IMPG1: variants seen among roughly 807,000 people sequenced by gnomAD.
IMPG1 encodes the protein interphotoreceptor matrix proteoglycan of 150 kDa.
IMPG1 carries 85 observed loss-of-function variants against 92.0 expected under a neutral mutation model. The observed-to-expected ratio is 0.92, with a 90% CI of 0.78 to 1.11. The LOEUF (loss-of-function observed/expected upper bound fraction) is 1.11, where lower values mean the gene tolerates loss of function less well. Ranked by LOEUF, IMPG1 falls within the 50% of genes least tolerant of loss-of-function variation. IMPG1 has a pLI of 0.00. For missense variants in IMPG1, 1,022 were observed against 956.0 expected (o/e 1.07, Z -0.91); for synonymous variants, 367 against 334.1 (o/e 1.10, Z -1.08).
chr6:76,064,562 G>T (rs1031865373), intron 1 of IMPG1, among the ~76,000 whole-genome samples: 1 of 151,840 alleles, frequency 6.6e-6, no homozygotes, highest in Non-Finnish European at 1.5e-5. Flanking sequence ...ACATTTCACC[G>T]GGAGCTTCCC....
chr6:76,044,200 C>T (rs146527398), intron 1 of IMPG1, among the ~76,000 whole-genome samples: 407 of 152,260 alleles, frequency 2.7e-3, no homozygotes, highest in Middle Eastern at 0.01. Context: ...GTACCCATTA[C>T]AGTTAGTAAA....
chr6:76,043,872 C>T (rs1203317177), intron 1 of IMPG1, among the ~76,000 whole-genome samples: 2 of 152,194 alleles, frequency 1.3e-5, no homozygotes, highest in Non-Finnish European at 2.9e-5. Context: ...CCATCAAATT[C>T]CCCTGATGAT....
chr6:75,988,808 G>A (rs978148502), intron 12 of IMPG1, among the ~76,000 whole-genome samples: 4 of 152,116 alleles, frequency 2.6e-5, no homozygotes, highest in Non-Finnish European at 2.9e-5. Flanking sequence ...CCAAGTTGCA[G>A]TTCCAGTTTC....
chr6:75,942,529 T>C (rs538483394), intron 14 of IMPG1, among the ~76,000 whole-genome samples: 1 of 152,304 alleles, frequency 6.6e-6, no homozygotes. Context: ...GCTGTGTAAA[T>C]TGGAATTTGA....
chr6:76,000,285 A>T (rs1782965742), intron 12 of IMPG1, among the ~76,000 whole-genome samples: 1 of 152,244 alleles, frequency 6.6e-6, no homozygotes, highest in Non-Finnish European at 1.5e-5. Flanking sequence ...TGAAACTTAT[A>T]ACACATAAAA....
intron 1 of IMPG1, among the ~76,000 whole-genome samples, chr6:76,065,928 C>T (rs958479995): frequency 3.9e-5 from 6 of 152,018 alleles, no homozygotes; most frequent in African/African-American, 1.4e-4. Flanking sequence ...TATTTTCAGA[C>T]TGCATAAAGA....
rs958782772 is a variant in IMPG1, at chr6:75,921,940, TA to T, written c.*148del. 5 of 558,504 alleles carry T rather than the reference TA, an allele frequency of 9.0e-6. No individual in the cohort carries two copies. In the Admixed American group the frequency reaches 1.8e-4, roughly 20 times the overall value. 34.6% of individuals were successfully genotyped at this position (558,504 alleles called of 1,614,324 possible). On this transcript the variant is annotated 3_prime_UTR_variant, in exon 17 of 17. Transcript: ENST00000369950. ...CTGGTTGCCAAGTACATGACTCTTC[TA>T]TATTTGAAATATGGTGTGTGCTGAT...
chr6:76,038,099 C>G (rs1783772432), intron 2 of IMPG1, among the ~76,000 whole-genome samples: 1 of 152,150 alleles, frequency 6.6e-6, no homozygotes, highest in African/African-American at 2.4e-5. Context: ...CCTGAGGATG[C>G]ATCATCAGTT....
chr6:75,944,366 G>A (rs2149455041), intron 14 of IMPG1, among the ~76,000 whole-genome samples: 1 of 152,278 alleles, frequency 6.6e-6, no homozygotes, highest in Non-Finnish European at 1.5e-5. Context: ...GCTGGATATT[G>A]GATTTACCCA....
chr6:76,029,664 T>C lies in IMPG1; in HGVS notation c.498-4406A>G, dbSNP rs549447724. ...GGATCAATATTCTGGTTCTGAGCAATTATCCTGCAAATCCTGCCAGGTGAT... is the reference window on the plus strand; with the variant it reads ...GGATCAATATTCTGGTTCTGAGCAACTATCCTGCAAATCCTGCCAGGTGAT... On this transcript the variant is annotated intron_variant, in intron 4 of 16. Transcript: ENST00000369950. 2.0e-5 allele frequency among the ~76,000 whole-genome samples: 3 copies of C among 152,252 alleles called. No individual in the cohort carries two copies. In the South Asian group the frequency reaches 6.2e-4, roughly 32 times the overall value.
At chr6:75,966,377 C>T (rs1782307805) in intron 12 of IMPG1, among the ~76,000 whole-genome samples, 1 of 152,048 alleles carries the variant, frequency 6.6e-6, no homozygotes, top group Non-Finnish European at 1.5e-5. Context: ...ATGATTAGGC[C>T]ATGAGGACTC....
intron 12 of IMPG1, among the ~76,000 whole-genome samples, chr6:75,982,597 GTGTGTGT>G (rs1304418903): frequency 1.6e-4 from 24 of 148,524 alleles, no homozygotes; most frequent in South Asian, 2.1e-4. Flanking sequence ...ATATATATAT[GTGTGTGT>G]ATATATATAT....
intron 7 of IMPG1, among the ~76,000 whole-genome samples, chr6:76,014,244 C>T (rs1783243910): frequency 6.6e-6 from 1 of 152,176 alleles, no homozygotes; most frequent in African/African-American, 2.4e-5. Flanking sequence ...ATTGCCAGCT[C>T]CTGAGAGCCC....
intron 16 of IMPG1, 31 bp downstream of exon 16, chr6:75,923,603 A>G (rs1781467895): frequency 3.6e-6 from 4 of 1,118,990 alleles, no homozygotes; most frequent in Middle Eastern, 2.0e-4. Context: ...AAGTTTAGTA[A>G]TTGCAACCAA....
chr6:75,963,099 C>T (rs1363807968), intron 12 of IMPG1, among the ~76,000 whole-genome samples: 2 of 150,516 alleles, frequency 1.3e-5, no homozygotes, highest in Admixed American at 1.3e-4. Flanking sequence ...AAAGGAAACA[C>T]AGCAGATTGA....
chr6:75,959,936 C>G (rs1385466521), intron 12 of IMPG1, among the ~76,000 whole-genome samples: 3 of 152,184 alleles, frequency 2.0e-5, no homozygotes, highest in African/African-American at 7.2e-5. Context: ...TTGCAGCTAG[C>G]TCAGTGTCTG....
chr6:75,943,962 ATGT>A (rs1206086680), intron 14 of IMPG1, among the ~76,000 whole-genome samples: 43 of 152,332 alleles, frequency 2.8e-4, no homozygotes, highest in African/African-American at 9.9e-4. Flanking sequence ...TAGTTCTAAG[ATGT>A]CCCTTTTCTA....
At chr6:76,018,887 C>T (rs1376662311) in intron 6 of IMPG1, 29 bp from the exon 7 acceptor site, 9 of 1,528,554 alleles carry the variant, frequency 5.9e-6, no homozygotes, top group Non-Finnish European at 7.1e-6. Context: ...AAAAGGACTT[C>T]TGTTAACCTA....
intron 2 of IMPG1, among the ~76,000 whole-genome samples, chr6:76,037,227 C>A (rs937795738): frequency 5.9e-5 from 9 of 152,188 alleles, no homozygotes; most frequent in Non-Finnish European, 1.2e-4. Flanking sequence ...GTCTGGATTT[C>A]TCTTAGCTTT....
Sources: gnomAD v4.1 joint callset for allele counts (sites outside exome capture counted in the v4.1 genomes callset) on GRCh38, gnomAD v4.1.1 for gene constraint, MANE v1.5 for transcripts, NCBI Gene and HGNC (gene_info 2026-07-23, HGNC 2026-07-21) for gene names.